The following EAF2 variants were observed in gnomAD, a reference collection of about 807,000 sequenced individuals.
EAF2 encodes ELL associated factor 2.
A neutral mutation model predicts 29.4 loss-of-function variants in EAF2; 29 were observed. The observed-to-expected ratio is 0.99, with a 90% CI of 0.73 to 1.35. EAF2 has a LOEUF of 1.35. EAF2 is among the 40% of genes most tolerant of loss of function. EAF2 has a pLI of 0.00. For synonymous variants in EAF2, 103 were observed against 102.5 expected, an observed-to-expected ratio of 1.00 and a Z score of -0.03; for missense variants, 292 against 312.0, an observed-to-expected ratio of 0.94 and a Z score of 0.48.
chr3:121,853,408 T>A (rs1708666470), intron 2 of EAF2, among the ~76,000 whole-genome samples: 1 of 152,172 alleles, frequency 6.6e-6, no homozygotes, highest in Non-Finnish European at 1.5e-5. Context: ...TCCTTTCTTC[T>A]CCACCCCTTT....
intron 3 of EAF2, among the ~76,000 whole-genome samples, chr3:121,855,826 T>G (rs566678085): frequency 5.0e-4 from 76 of 152,342 alleles, no homozygotes; most frequent in African/African-American, 1.8e-3. Context: ...CCATCAATAT[T>G]AACTAAGAAA....
At chr3:121,876,909 T>C (rs1037791480) in intron 5 of EAF2, among the ~76,000 whole-genome samples, 2 of 151,934 alleles carry the variant, frequency 1.3e-5, no homozygotes, top group African/African-American at 4.8e-5. Context: ...AAGCAAAGCA[T>C]TATATCCACC....
intron 4 of EAF2, among the ~76,000 whole-genome samples, chr3:121,868,487 A>C (rs1708961389): frequency 6.6e-6 from 1 of 152,064 alleles, no homozygotes; most frequent in South Asian, 2.1e-4. Context: ...AATCCCAGCC[A>C]CTCAGGAAGC....
intron 2 of EAF2, among the ~76,000 whole-genome samples, chr3:121,847,759 T>A (rs1372920118): frequency 6.6e-6 from 1 of 152,140 alleles, no homozygotes; most frequent in Non-Finnish European, 1.5e-5. Flanking sequence ...AAAGGATAAG[T>A]CTTAATGCTC....
At chr3:121,873,757 C>A (rs1709055432) in intron 5 of EAF2, among the ~76,000 whole-genome samples, 1 of 151,808 alleles carries the variant, frequency 6.6e-6, no homozygotes, top group Non-Finnish European at 1.5e-5. Context: ...CATCAGGACC[C>A]TTATACATGC....
intron 4 of EAF2, among the ~76,000 whole-genome samples, chr3:121,864,407 G>A (rs1553728212): frequency 6.6e-6 from 1 of 152,024 alleles, no homozygotes; most frequent in Non-Finnish European, 1.5e-5. Context: ...TTTACATCAT[G>A]CCTGCTTCCA....
chr3:121,840,732 A>C (rs963546652), intron 1 of EAF2, among the ~76,000 whole-genome samples: 1 of 136,584 alleles, frequency 7.3e-6, no homozygotes, highest in Non-Finnish European at 1.5e-5. Flanking sequence ...GCATGGACCC[A>C]GGAGCGGAAG....
At chr3:121,883,845 A>C (rs983594083) in intron 5 of EAF2, among the ~76,000 whole-genome samples, 1 of 152,238 alleles carries the variant, frequency 6.6e-6, no homozygotes, top group African/African-American at 2.4e-5. Flanking sequence ...TTTACTAAGC[A>C]ACTCATAATC....
intron 1 of EAF2, chr3:121,836,340 G>A (rs1708282205): frequency 2.0e-5 from 3 of 151,806 alleles, no homozygotes; most frequent in Admixed American, 1.3e-4. Flanking sequence ...TTCTGTTCTC[G>A]GGTTGTTTAG....
chr3:121,851,831 C>T (rs116775644), intron 2 of EAF2, among the ~76,000 whole-genome samples: 21 of 152,160 alleles, frequency 1.4e-4, no homozygotes, highest in East Asian at 3.9e-4. Flanking sequence ...AACATGGAGC[C>T]GATAGGTGGT....
At chr3:121,858,649 G>A (rs999238665) in intron 4 of EAF2, among the ~76,000 whole-genome samples, 2 of 152,004 alleles carry the variant, frequency 1.3e-5, no homozygotes, top group Non-Finnish European at 2.9e-5. Context: ...AGTTTCTTTT[G>A]CTGTGCAGAA....
chr3:121,876,812 GAGA>G (rs1199902473), intron 5 of EAF2, among the ~76,000 whole-genome samples: 1 of 151,904 alleles, frequency 6.6e-6, no homozygotes, highest in Non-Finnish European at 1.5e-5. Context: ...GTAGAAAGCA[GAGA>G]AGGAGAAGTG....
chr3:121,841,278 C>A (rs899437418), intron 1 of EAF2, among the ~76,000 whole-genome samples: 1 of 150,034 alleles, frequency 6.7e-6, no homozygotes, highest in Non-Finnish European at 1.5e-5. Context: ...CGGAGGCGGG[C>A]GTATCACCTG....
At chr3:121,871,571 A>G (rs991854020) in intron 4 of EAF2, among the ~76,000 whole-genome samples, 3 of 152,060 alleles carry the variant, frequency 2.0e-5, no homozygotes, top group African/African-American at 7.2e-5. Flanking sequence ...AGTACGAAGA[A>G]CATAGCCTGG....
intron 4 of EAF2, among the ~76,000 whole-genome samples, chr3:121,866,217 G>A (rs937359537): frequency 2.0e-5 from 3 of 152,126 alleles, no homozygotes; most frequent in Admixed American, 6.5e-5. Context: ...AGGGATCATC[G>A]GGGACCCTAG....
At position 121,844,489 on chromosome 3, in the gene EAF2, A is replaced by C; in HGVS notation, c.143A>C (p.Glu48Ala). The change falls in exon 2 of 6, where the codon GAA (glutamate) becomes GCA (alanine). Residue 48 changes from glutamate to alanine, a missense_variant. Coordinates refer to ENST00000273668, the MANE Select transcript of EAF2 (RefSeq NM_018456.6). The stretch of plus-strand genomic sequence containing the variant: ...CCTGCTTCTATTGACACTTCTTCTG[A>C]AGGATACCTTGAGGTTGGTGAAGGT... ...FKPASIDTSS[E>A]GYLEVGEGEQ... 6.2e-7 allele frequency: 1 copy of C among 1,610,620 alleles called. No individual in the cohort carries two copies. Among genetic ancestry groups the C allele is most frequent in the Non-Finnish European group, 8.5e-7 (1 of 1,178,622 alleles).
chr3:121,879,688 A>T (rs1287411436), intron 5 of EAF2, among the ~76,000 whole-genome samples: 3 of 150,372 alleles, frequency 2.0e-5, no homozygotes, highest in Non-Finnish European at 4.4e-5. Context: ...TCCCCCACAG[A>T]ATGTTCTTGG....
intron 4 of EAF2, among the ~76,000 whole-genome samples, chr3:121,858,585 G>T (rs1490181322): frequency 6.6e-6 from 1 of 152,048 alleles, no homozygotes; most frequent in East Asian, 1.9e-4. Flanking sequence ...TGTAAAATGG[G>T]TAAATTGCAA....
intron 4 of EAF2, among the ~76,000 whole-genome samples, chr3:121,868,118 TA>T (rs1708955322): frequency 6.6e-6 from 1 of 152,156 alleles, no homozygotes; most frequent in Non-Finnish European, 1.5e-5. Context: ...ATATATTGTC[TA>T]AATAAGCCAA....
Sources: allele counts gnomAD v4.1 joint callset (sites outside exome capture counted in the v4.1 genomes callset), GRCh38; gene constraint gnomAD v4.1.1; transcripts MANE v1.5; gene names NCBI Gene and HGNC (gene_info 2026-07-23, HGNC 2026-07-21).